Variants in SMC6 observed in about 807,000 individuals in gnomAD.
The protein encoded by SMC6 is structural maintenance of chromosomes 6.
A neutral mutation model predicts 142.2 loss-of-function variants in SMC6; 79 were observed. The ratio of observed to expected loss-of-function variants is 0.56; its 90% CI spans 0.46 to 0.67. The LOEUF (loss-of-function observed/expected upper bound fraction) is 0.67. SMC6 is among the 30% of genes least tolerant of loss of function. SMC6 has a pLI of 0.00. For missense variants in SMC6, 1,072 were observed against 1,284.0 expected, an observed-to-expected ratio of 0.83 and a Z score of 2.52; for synonymous variants, 411 against 412.4, an observed-to-expected ratio of 1.00 and a Z score of 0.04.
chr2:17,708,856 A>C, intron 16 of SMC6, 103 bp from the exon 17 acceptor site: 1 of 321,850 alleles, frequency 3.1e-6, no homozygotes, highest in Admixed American at 4.9e-5. Context: ...ATATTTCCAT[A>C]TATATTTGTA....
At chr2:17,725,440 T>C in intron 8 of SMC6, 82 bp from the exon 9 acceptor site, 2 of 960,816 alleles carry the variant, frequency 2.1e-6, no homozygotes, top group Non-Finnish European at 3.0e-6. Context: ...AAAAATTTAG[T>C]TTCTGAAAAC....
intron 25 of SMC6, among the ~76,000 whole-genome samples, chr2:17,671,366 A>C (rs1050084338): frequency 3.0e-5 from 1 of 33,352 alleles, no homozygotes; most frequent in African/African-American, 1.3e-4. Context: ...GGATTGCTTT[A>C]GGAATCCTTT....
chr2:17,730,466 C>T (rs936732889), intron 7 of SMC6, among the ~76,000 whole-genome samples: 1 of 150,716 alleles, frequency 6.6e-6, no homozygotes, highest in Admixed American at 6.6e-5. Context: ...ACTAGGACAG[C>T]AAAAAGCAAA....
intron 20 of SMC6, among the ~76,000 whole-genome samples, chr2:17,701,200 C>T (rs1668255402): frequency 6.6e-6 from 1 of 151,828 alleles, no homozygotes; most frequent in South Asian, 2.1e-4. Flanking sequence ...AGACTTATTC[C>T]ATTTTGCGCA....
At chr2:17,710,982 G>A (rs945072473) in intron 16 of SMC6, among the ~76,000 whole-genome samples, 2 of 152,206 alleles carry the variant, frequency 1.3e-5, no homozygotes, top group South Asian at 4.1e-4. Flanking sequence ...CTCTAGAAAC[G>A]TCAGGCAGTC....
intron 5 of SMC6, among the ~76,000 whole-genome samples, chr2:17,736,147 T>C (rs1446179548): frequency 6.6e-6 from 1 of 152,162 alleles, no homozygotes; most frequent in Admixed American, 6.5e-5. Context: ...AGGAAGGGGA[T>C]AGATAAGAAC....
intron 25 of SMC6, among the ~76,000 whole-genome samples, 169 bp from the exon 26 acceptor site, chr2:17,670,744 AG>A (rs1666717127): frequency 6.6e-6 from 1 of 152,250 alleles, no homozygotes; most frequent in Non-Finnish European, 1.5e-5. Flanking sequence ...ACAGTAAAAC[AG>A]TTATACGTAT....
At chr2:17,682,282 A>T (rs1667270004) in intron 24 of SMC6, among the ~76,000 whole-genome samples, 1 of 152,070 alleles carries the variant, frequency 6.6e-6, no homozygotes, top group Non-Finnish European at 1.5e-5. Flanking sequence ...GGGTTTTCAC[A>T]CTCTGGCTAT....
intron 15 of SMC6, 58 bp downstream of exon 15, chr2:17,716,028 T>C (rs1290101521): frequency 1.1e-5 from 15 of 1,333,194 alleles, no homozygotes; most frequent in Non-Finnish European, 1.4e-5. Flanking sequence ...TCAATCGTTC[T>C]GAAAATAAAA....
intron 25 of SMC6, among the ~76,000 whole-genome samples, chr2:17,676,814 A>C (rs1667011643): frequency 6.6e-6 from 1 of 152,144 alleles, no homozygotes; most frequent in Admixed American, 6.5e-5. Flanking sequence ...TGCTAATATA[A>C]ATAGTATTTT....
chr2:17,683,086 T>C (rs1667304756), intron 24 of SMC6, among the ~76,000 whole-genome samples: 1 of 152,176 alleles, frequency 6.6e-6, no homozygotes, highest in African/African-American at 2.4e-5. Flanking sequence ...TTGTGATCAG[T>C]TGGAGTCAAT....
chr2:17,692,120 G>A (rs544364867), intron 23 of SMC6, among the ~76,000 whole-genome samples: 29 of 152,206 alleles, frequency 1.9e-4, no homozygotes, highest in African/African-American at 7.0e-4. Flanking sequence ...CGTGAAAATG[G>A]CCACACTGCC....
chr2:17,726,583 TAGCCAA>T, intron 7 of SMC6, 114 bp from the exon 8 acceptor site: 1 of 704,740 alleles, frequency 1.4e-6, no homozygotes, highest in South Asian at 1.9e-5. Context: ...GGCCAAGCAA[TAGCCAA>T]AGGTTATAAC....
intron 9 of SMC6, among the ~76,000 whole-genome samples, chr2:17,723,680 A>T (rs1290736367): frequency 6.6e-6 from 1 of 152,146 alleles, no homozygotes. Context: ...AGTAGTCCTC[A>T]CGATACTCAA....
Position 17,703,289 on chromosome 2 carries a change from G to T in SMC6, c.2010C>A (p.Asp670Glu). The change falls in exon 19 of 28, where the codon GAC (aspartate) becomes GAA (glutamate). Residue 670 changes from aspartate to glutamate, a missense_variant. Asp to Glu is a conservative substitution (Grantham distance 45). Around this residue, in one of 3 missense-constraint regions of SMC6, gnomAD observed 994 missense variants for 1,153.2 expected, o/e 0.86. Coordinates refer to ENST00000448223, the MANE Select transcript of SMC6 (RefSeq NM_001142286.2). ...TCTTATTTTCAACCTCATTCTCCAA[G>T]TCACTTGATAGGAAAGGAGAAGATA... The part of the protein sequence containing the change: ...LSRDVDSEIS[D>E]LENEVENKTA... The T allele has an allele frequency of 6.3e-7, 1 of 1,598,220 alleles. No individual in the cohort carries two copies. Among genetic ancestry groups the T allele is most frequent in the Non-Finnish European group, 8.5e-7 (1 of 1,174,570 alleles).
At chr2:17,714,522 C>A (rs1668985884) in intron 16 of SMC6, among the ~76,000 whole-genome samples, 1 of 152,168 alleles carries the variant, frequency 6.6e-6, no homozygotes, top group Admixed American at 6.5e-5. Context: ...CTGTGAAACA[C>A]CTTCAGAATT....
intron 23 of SMC6, among the ~76,000 whole-genome samples, chr2:17,684,792 C>T (rs1273160894): frequency 1.3e-5 from 2 of 152,140 alleles, no homozygotes; most frequent in African/African-American, 4.8e-5. Context: ...TACCACTGCA[C>T]TCCAGCCTGG....
chr2:17,749,107 C>T (rs1450486595), intron 2 of SMC6, among the ~76,000 whole-genome samples: 2 of 151,942 alleles, frequency 1.3e-5, no homozygotes, highest in Non-Finnish European at 2.9e-5. Flanking sequence ...AACACAGATT[C>T]GAATGTCTAG....
At chr2:17,671,592 G>A (rs954664949) in intron 25 of SMC6, among the ~76,000 whole-genome samples, 1 of 109,008 alleles carries the variant, frequency 9.2e-6, no homozygotes, top group South Asian at 3.3e-4. Flanking sequence ...CTGGTCGACA[G>A]AGCGAGACCC....
Sources: gnomAD v4.1 joint callset for allele counts (sites outside exome capture counted in the v4.1 genomes callset) on GRCh38, gnomAD v4.1.1 for gene constraint, gnomAD v4.1.1 regional missense constraint, MANE v1.5 for transcripts, NCBI Gene and HGNC (gene_info 2026-07-23, HGNC 2026-07-21) for gene names.